PCDHA7: variants seen among roughly 807,000 people sequenced by gnomAD.
The protein encoded by PCDHA7 is protocadherin alpha 7.
In PCDHA7, 37 loss-of-function variants were observed where a neutral mutation model predicts 57.2. That is an observed-to-expected ratio of 0.65 (90% CI 0.50 to 0.85). The LOEUF (loss-of-function observed/expected upper bound fraction) is 0.85. Among genes scored for constraint, PCDHA7 ranks in the 40% least tolerant of loss-of-function variants. The pLI, the probability that PCDHA7 is intolerant of heterozygous loss-of-function variation, is 0.00. For missense variants in PCDHA7, 1,188 were observed against 1,241.8 expected, an observed-to-expected ratio of 0.96 and a Z score of 0.65; for synonymous variants, 553 against 558.8, an observed-to-expected ratio of 0.99 and a Z score of 0.15.
At chr5:140,916,379 C>G (rs180755548) in intron 1 of PCDHA7, among the ~76,000 whole-genome samples, 2 of 152,302 alleles carry the variant, frequency 1.3e-5, no homozygotes, top group Admixed American at 6.5e-5. Context: ...GTAGCCACCA[C>G]AACTAGGAAT....
chr5:140,957,446 C>T (rs1357499949), intron 1 of PCDHA7, among the ~76,000 whole-genome samples: 2 of 152,216 alleles, frequency 1.3e-5, no homozygotes, highest in East Asian at 1.9e-4. Context: ...TTATAAATCA[C>T]ACTTTATCAT....
intron 1 of PCDHA7, chr5:140,877,314 G>A (rs2057020187): frequency 6.2e-7 from 1 of 1,613,972 alleles, no homozygotes; most frequent in Admixed American, 1.7e-5. Context: ...TGCAACCGGC[G>A]GCGGTCGGCG....
chr5:140,924,436 A>T (rs2153572390), intron 1 of PCDHA7, among the ~76,000 whole-genome samples: 1 of 152,318 alleles, frequency 6.6e-6, no homozygotes, highest in East Asian at 1.9e-4. Context: ...CCTAGAAGAG[A>T]TAACGAATGG....
Position 140,907,311 on chromosome 5 carries a change from T to C in PCDHA7, c.2355+70573T>C, listed in dbSNP as rs534638330. Among the ~76,000 whole-genome samples the C allele has an allele frequency of 5.9e-5, 9 of 152,292 alleles. No individual in the cohort carries two copies. The East Asian group carries it at 1.7e-3, about 29-fold the overall frequency. On this transcript the variant is annotated intron_variant, in intron 1 of 3. Coordinates refer to ENST00000525929, the MANE Select transcript of PCDHA7 (RefSeq NM_018910.3). Reference sequence around the variant, plus strand: ...AGCTGCTTCAGGATGATGGGGAACATGTAAAGACCAGTGAATTCCATATGC... The same window carrying C: ...AGCTGCTTCAGGATGATGGGGAACACGTAAAGACCAGTGAATTCCATATGC...
rs782673373 is a variant in PCDHA7 at position 140,858,110 on chromosome 5, G to T, written c.2355+21372G>T. The T allele has an allele frequency of 6.9e-6, 11 of 1,597,760 alleles. No homozygotes were observed. The East Asian group carries it at 2.2e-4, about 32-fold the overall frequency. ...GCGGGCTTCAGTGGGCGTGGCGCCC[G>T]AGGTGGCCCTGGTGGATGTCAACGT... On this transcript the variant is annotated intron_variant, in intron 1 of 3. Coordinates refer to ENST00000525929, the MANE Select transcript of PCDHA7 (RefSeq NM_018910.3).
intron 1 of PCDHA7, among the ~76,000 whole-genome samples, chr5:140,950,301 T>G (rs1467140584): frequency 6.6e-6 from 1 of 152,076 alleles, no homozygotes; most frequent in Non-Finnish European, 1.5e-5. Context: ...AAACTTTACT[T>G]AGCAGTTTTT....
At chr5:140,841,918 C>T in intron 1 of PCDHA7, 4 of 1,613,844 alleles carry the variant, frequency 2.5e-6, no homozygotes, top group Non-Finnish European at 3.4e-6. Flanking sequence ...TAAGAAAATC[C>T]TTGGACAGAG....
At chr5:140,871,809 A>G (rs1489306606) in intron 1 of PCDHA7, among the ~76,000 whole-genome samples, 1 of 152,260 alleles carries the variant, frequency 6.6e-6, no homozygotes. Flanking sequence ...TATTTTCACT[A>G]AAGTACCCAT....
At chr5:140,969,161 G>A (rs782498682) in intron 1 of PCDHA7, 1 of 1,614,156 alleles carries the variant, frequency 6.2e-7, no homozygotes, top group South Asian at 1.1e-5. Context: ...CTGTCTGACA[G>A]CAGGCTCAGG....
In PCDHA7 at chr5:140,835,601, A is replaced by T. The variant is rs2150239166; in HGVS notation, c.1218A>T (p.Ser406=). Reference sequence around the variant, plus strand: ...TGTCCACCTTCAAGAATTACTATTCATTGGTGCTGGACAGCGCTCTGGACC... The same window carrying T: ...TGTCCACCTTCAAGAATTACTATTCTTTGGTGCTGGACAGCGCTCTGGACC... ...KLVSTFKNYY[S]LVLDSALDRE... The change falls in exon 1 of 4, where the codon TCA becomes TCT. Residue 406 remains serine, a synonymous_variant. Coordinates refer to ENST00000525929, the MANE Select transcript of PCDHA7 (RefSeq NM_018910.3). 5 of 1,613,788 alleles carry T rather than the reference A, an allele frequency of 3.1e-6. No individual in the cohort carries two copies. The African/African-American group carries it at 5.3e-5, about 17-fold the overall frequency.
At chr5:140,856,081 G>T in intron 1 of PCDHA7, 1 of 1,595,042 alleles carries the variant, frequency 6.3e-7, no homozygotes, top group Non-Finnish European at 8.6e-7. Context: ...TGGGGGTCCA[G>T]TGTCTGCTGC....
intron 1 of PCDHA7, chr5:140,967,531 T>C (rs1399482021): frequency 3.7e-6 from 6 of 1,613,104 alleles, no homozygotes; most frequent in Non-Finnish European, 4.2e-6. Context: ...ACAACTCTCC[T>C]GCCTTTGACC....
chr5:140,841,175 A>C, intron 1 of PCDHA7: 2 of 1,071,562 alleles, frequency 1.9e-6, no homozygotes, highest in Non-Finnish European at 2.7e-6. Context: ...CTGGTTGGTC[A>C]ATGTTCAAAG....
intron 1 of PCDHA7, among the ~76,000 whole-genome samples, chr5:140,973,831 C>T (rs1212841510): frequency 1.3e-5 from 2 of 152,214 alleles, no homozygotes; most frequent in African/African-American, 4.8e-5. Flanking sequence ...GTTCTGGGTA[C>T]TTGCTTGTTG....
intron 3 of PCDHA7, among the ~76,000 whole-genome samples, chr5:141,006,271 G>T (rs2098264486): frequency 6.6e-6 from 1 of 151,918 alleles, no homozygotes; most frequent in Non-Finnish European, 1.5e-5. Context: ...GACTGCAGTG[G>T]CACGATCTCA....
chr5:140,952,301 T>G (rs246036), intron 1 of PCDHA7, among the ~76,000 whole-genome samples: 84,430 of 149,404 alleles, frequency 0.57, 24,448 homozygotes, highest in African/African-American at 0.7. Flanking sequence ...CACAGCCATT[T>G]CACTCCAGCC....
At chr5:140,993,225 T>C (rs1036685362) in intron 3 of PCDHA7, among the ~76,000 whole-genome samples, 2 of 152,206 alleles carry the variant, frequency 1.3e-5, no homozygotes, top group Admixed American at 6.5e-5. Context: ...TTTTGGTATG[T>C]TCTCTCTGAA....
intron 1 of PCDHA7, among the ~76,000 whole-genome samples, chr5:140,873,452 C>A (rs147398020): frequency 6.4e-4 from 97 of 152,122 alleles, no homozygotes; most frequent in Non-Finnish European, 1.1e-3. Context: ...AACAAATTTG[C>A]ATTTTAGATA....
At chr5:140,898,467 T>G (rs576206648) in intron 1 of PCDHA7, among the ~76,000 whole-genome samples, 147 of 152,296 alleles carry the variant, frequency 9.7e-4, no homozygotes, top group Non-Finnish European at 1.9e-3. Flanking sequence ...CATTGCTTGT[T>G]TTTCTCAGGT....
Sources: gnomAD v4.1 joint callset for allele counts (sites outside exome capture counted in the v4.1 genomes callset) on GRCh38, gnomAD v4.1.1 for gene constraint, MANE v1.5 for transcripts, NCBI Gene and HGNC (gene_info 2026-07-23, HGNC 2026-07-21) for gene names.